Variants in ZDHHC3 observed in about 807,000 individuals in gnomAD.
ZDHHC3 encodes the protein zDHHC palmitoyltransferase 3.
ZDHHC3 carries 9 observed loss-of-function variants against 30.6 expected under a neutral mutation model. That is an observed-to-expected ratio of 0.29 (90% CI 0.18 to 0.51). The LOEUF (loss-of-function observed/expected upper bound fraction) is 0.51, where lower values mean the gene tolerates loss of function less well. Among genes scored for constraint, ZDHHC3 ranks in the 20% least tolerant of loss-of-function variants. ZDHHC3 has a pLI of 0.97. For missense variants in ZDHHC3, 246 were observed against 384.2 expected (o/e 0.64, Z 3.01); for synonymous variants, 136 against 140.2 (o/e 0.97, Z 0.21).
At chr3:44,957,700 C>T (rs1413971439) in intron 2 of ZDHHC3, among the ~76,000 whole-genome samples, 1 of 152,206 alleles carries the variant, frequency 6.6e-6, no homozygotes, top group African/African-American at 2.4e-5. Flanking sequence ...GCTTGGGCAT[C>T]GCTTCCTCTA....
chr3:44,918,669 G>C lies in ZDHHC3; in HGVS notation c.*8020C>G. ...AGGTGAAGAAGCGGGTGCTCGTACA[G>C]CAAGTGCCAACATGCATTAGGCAGC... On this transcript the variant is annotated 3_prime_UTR_variant, in exon 7 of 7. Transcript: ENST00000424952. 1 of 999,672 alleles carries C rather than the reference G, an allele frequency of 1.0e-6. No individual in the cohort carries two copies. Among genetic ancestry groups the C allele is most frequent in the Non-Finnish European group, 1.2e-6 (1 of 836,698 alleles). The allele number at this position is 999,672 out of a possible 1,614,324, so 61.9% of individuals were successfully genotyped here.
intron 2 of ZDHHC3, among the ~76,000 whole-genome samples, chr3:44,954,380 G>T (rs564270207): frequency 6.6e-6 from 1 of 151,908 alleles, no homozygotes; most frequent in Non-Finnish European, 1.5e-5. Context: ...AAATATTATC[G>T]TGTTACAGTT....
In ZDHHC3 at chr3:44,923,082, T is replaced by G; in HGVS notation, c.*3607A>C. 3.3e-6 allele frequency: 2 copies of G among 611,232 alleles called. No individual in the cohort carries two copies. The highest frequency in any genetic ancestry group is 3.7e-6 in the Non-Finnish European group (2 of 541,670). 37.9% of individuals were successfully genotyped at this position (611,232 alleles called of 1,614,324 possible). ...CTCACATACATGTTTAAAATGTTTG[T>G]TTTTTTTTTTTGAGACGGAGTCTCA... On this transcript the variant is annotated 3_prime_UTR_variant, in exon 7 of 7. Coordinates refer to ENST00000424952, the MANE Select transcript of ZDHHC3 (RefSeq NM_001135179.2).
In ZDHHC3 at chr3:44,940,807, G is replaced by A. The variant is rs367870931; in HGVS notation, c.431+4361C>T. 3.2e-4 allele frequency among the ~76,000 whole-genome samples: 49 copies of A among 152,284 alleles called. 1 individual carries two copies. The highest frequency in any genetic ancestry group is 1.1e-3 in the African/African-American group (44 of 41,564). ...GCTTATGTGTTTCCTCTCCAAGGAG[G>A]TATGAGGGCCCTTACTTGGTACTCA... On this transcript the variant is annotated intron_variant, in intron 3 of 6. Coordinates refer to ENST00000424952, the MANE Select transcript of ZDHHC3 (RefSeq NM_001135179.2).
At position 44,959,407 on chromosome 3, in the gene ZDHHC3, T is replaced by C; in HGVS notation, c.30A>G (p.Arg10=). 1 of 1,614,126 alleles carries C rather than the reference T, an allele frequency of 6.2e-7. No individual in the cohort carries two copies. The highest frequency in any genetic ancestry group is 8.5e-7 in the Non-Finnish European group (1 of 1,179,974). ...GGTATTCTGGTTTCCGCTCAATGTT[T>C]CGGAAGTGGTGGGTGGGGATAAGCA... MMLIPTHHF[R]NIERKPEYLQ... is the part of the protein sequence containing the mutation. The change falls in exon 2 of 7, where the codon CGA becomes CGG. Residue 10 remains arginine, a synonymous_variant. Transcript: ENST00000424952. This position sits in a 1 kb window ranked among gnomAD's most constrained non-coding sequence, Gnocchi z 4.3.
At chr3:44,928,969 A>G (rs1701242299) in intron 6 of ZDHHC3, among the ~76,000 whole-genome samples, 1 of 152,204 alleles carries the variant, frequency 6.6e-6, no homozygotes, top group South Asian at 2.1e-4. Context: ...CCAGATGGGA[A>G]GGGTGCCCTC....
intron 3 of ZDHHC3, among the ~76,000 whole-genome samples, chr3:44,944,379 C>T (rs570695839): frequency 4.7e-4 from 72 of 152,248 alleles, no homozygotes; most frequent in African/African-American, 1.6e-3. Flanking sequence ...CTCCTGACCT[C>T]AGGTGATCCG....
At chr3:44,967,170 T>C (rs1486636658) in intron 1 of ZDHHC3, among the ~76,000 whole-genome samples, 1 of 152,168 alleles carries the variant, frequency 6.6e-6, no homozygotes, top group Admixed American at 6.5e-5. Flanking sequence ...AACCAGGAAG[T>C]GGTCGGTAAA....
In ZDHHC3 at chr3:44,924,215, G is replaced by A. The variant is rs1482230754; in HGVS notation, c.*2474C>T. On this transcript the variant is annotated 3_prime_UTR_variant, in exon 7 of 7. Coordinates refer to ENST00000424952, the MANE Select transcript of ZDHHC3 (RefSeq NM_001135179.2). The stretch of plus-strand genomic sequence containing the variant: ...AAAGATGTCCTCTTTCATTACATCC[G>A]GAAATACTGAGGAGAGCTCAGGGAT... 3.0e-6 allele frequency: 3 copies of A among 985,310 alleles called. No homozygotes were observed. The highest frequency in any genetic ancestry group is 6.1e-5 in the Admixed American group (1 of 16,264). The allele number at this position is 985,310 out of a possible 1,614,324, so 61.0% of individuals were successfully genotyped here.
At chr3:44,950,696 C>A (rs1184598798) in intron 2 of ZDHHC3, among the ~76,000 whole-genome samples, 1 of 152,208 alleles carries the variant, frequency 6.6e-6, no homozygotes, top group African/African-American at 2.4e-5. Flanking sequence ...CTGCCTCAGG[C>A]AACTTTTTGT....
At position 44,921,617 on chromosome 3, in the gene ZDHHC3, G is replaced by A; in HGVS notation, c.*5072C>T. 1.0e-6 allele frequency: 1 copy of A among 985,226 alleles called. No individual in the cohort carries two copies. The highest frequency in any genetic ancestry group is 1.2e-6 in the Non-Finnish European group (1 of 829,774). The allele number at this position is 985,226 out of a possible 1,614,324, so 61.0% of individuals were successfully genotyped here. A position where few individuals can be genotyped will look rare whatever the true frequency, so the allele number is the denominator to read the frequency against. On this transcript the variant is annotated 3_prime_UTR_variant, in exon 7 of 7. Transcript: ENST00000424952. ...CTCCAACACAGCTAACATTTATAAA[G>A]CCATACCAGGGCCAGACGCTATACA...
rs1236634089 is a variant in ZDHHC3 at position 44,920,611 on chromosome 3, A to T, written c.*6078T>A. ...GTTATGTATCAGAACTGGAACCAGA[A>T]CTAGTGTCTTTTTTTCTGCCCAACA... is the stretch of plus-strand genomic sequence containing the variant. On this transcript the variant is annotated 3_prime_UTR_variant, in exon 7 of 7. Coordinates refer to ENST00000424952, the MANE Select transcript of ZDHHC3 (RefSeq NM_001135179.2). 1 of 985,302 alleles carries T rather than the reference A, an allele frequency of 1.0e-6. No individual in the cohort carries two copies. The highest frequency in any genetic ancestry group is 1.2e-6 in the Non-Finnish European group (1 of 829,920). The allele number at this position is 985,302 out of a possible 1,614,324, so 61.0% of individuals were successfully genotyped here.
intron 2 of ZDHHC3, among the ~76,000 whole-genome samples, chr3:44,948,608 T>C (rs1367379060): frequency 2.0e-5 from 3 of 152,144 alleles, no homozygotes; most frequent in Admixed American, 6.5e-5. Context: ...GAGAAAGGCA[T>C]GGCCACCAGT....
At chr3:44,930,048 C>CGAGGCCAACAGTGCCA (rs1701358555) in intron 5 of ZDHHC3, among the ~76,000 whole-genome samples, 1 of 152,154 alleles carries the variant, frequency 6.6e-6, no homozygotes, top group South Asian at 2.1e-4. Flanking sequence ...TTTGCAGCAC[C>CGAGGCCAACAGTGCCA]GAGGCCAACA....
At chr3:44,970,167 T>C (rs1448346413) in intron 1 of ZDHHC3, among the ~76,000 whole-genome samples, 1 of 152,234 alleles carries the variant, frequency 6.6e-6, no homozygotes, top group Non-Finnish European at 1.5e-5. Context: ...CATTTGACTT[T>C]CAGGAATCTG....
intron 1 of ZDHHC3, among the ~76,000 whole-genome samples, chr3:44,969,160 T>G (rs899639846): frequency 6.6e-6 from 1 of 152,194 alleles, no homozygotes. Flanking sequence ...TGTAATCCAG[T>G]GCATGATCTC....
chr3:44,958,843 T>C (rs1012443903), intron 2 of ZDHHC3, among the ~76,000 whole-genome samples: 2 of 152,190 alleles, frequency 1.3e-5, no homozygotes, highest in African/African-American at 4.8e-5. Context: ...AGAGGCCAGG[T>C]TTCCCCCAGA....
intron 4 of ZDHHC3, 166 bp from the exon 5 acceptor site, chr3:44,933,365 T>C (rs1424258921): frequency 1.5e-6 from 1 of 651,314 alleles, no homozygotes; most frequent in Non-Finnish European, 2.7e-6. Flanking sequence ...CAGATCCGTC[T>C]ACCCACCAGC....
chr3:44,973,115 T>C (rs1449401550), intron 1 of ZDHHC3, among the ~76,000 whole-genome samples: 4 of 152,224 alleles, frequency 2.6e-5, no homozygotes. Flanking sequence ...ATTCAAGGGA[T>C]ATGAGTTTAT....
Sources: allele counts gnomAD v4.1 joint callset (sites outside exome capture counted in the v4.1 genomes callset), GRCh38; gene constraint gnomAD v4.1.1; non-coding constraint Gnocchi (gnomAD v3.1); transcripts MANE v1.5; gene names NCBI Gene and HGNC (gene_info 2026-07-23, HGNC 2026-07-21).